The following POU6F2 variants were observed in gnomAD, a reference collection of about 807,000 sequenced individuals.
The protein encoded by POU6F2 is POU domain, class 6, transcription factor 2.
POU6F2 carries 31 observed loss-of-function variants against 71.3 expected under a neutral mutation model. The ratio of observed to expected loss-of-function variants is 0.43; its 90% confidence interval spans 0.33 to 0.59. POU6F2 has a LOEUF of 0.59. Ranked by LOEUF, POU6F2 falls within the 20% of genes least tolerant of loss-of-function variation. The probability of loss-of-function intolerance (pLI) is 0.04; values close to 1 mark genes in which losing one functional copy is unlikely to be tolerated. For missense variants in POU6F2, 783 were observed against 856.8 expected (o/e 0.91, Z 1.07); for synonymous variants, 347 against 355.7 (o/e 0.98, Z 0.27).
At chr7:39,203,815 G>C (rs913480047) in intron 2 of POU6F2, among the ~76,000 whole-genome samples, 1 of 152,150 alleles carries the variant, frequency 6.6e-6, no homozygotes, top group Non-Finnish European at 1.5e-5. Context: ...TAAGAACTTG[G>C]GAGTATGAAG....
chr7:39,189,524 G>A (rs912076330), intron 2 of POU6F2, among the ~76,000 whole-genome samples: 3 of 152,012 alleles, frequency 2.0e-5, no homozygotes, highest in South Asian at 2.1e-4. Context: ...TCAGCCTCCC[G>A]AGTAGCTGGG....
At chr7:38,979,716 C>T (rs1187566613) in intron 1 of POU6F2, among the ~76,000 whole-genome samples, 1 of 152,084 alleles carries the variant, frequency 6.6e-6, no homozygotes, top group Admixed American at 6.5e-5. Context: ...AAAACTTGAG[C>T]CCCTGATCAC....
chr7:39,130,982 A>G (rs963927462), intron 2 of POU6F2, among the ~76,000 whole-genome samples: 4 of 152,234 alleles, frequency 2.6e-5, no homozygotes, highest in Admixed American at 1.3e-4. Flanking sequence ...CCACTTTCAC[A>G]GTCCAGAAAG....
chr7:39,330,770 T>C (rs1456714568), intron 4 of POU6F2, among the ~76,000 whole-genome samples: 1 of 152,252 alleles, frequency 6.6e-6, no homozygotes, highest in African/African-American at 2.4e-5. Context: ...CATATCTATG[T>C]TGTATTCATT....
At chr7:39,430,623 G>A (rs929392432) in intron 6 of POU6F2, among the ~76,000 whole-genome samples, 2 of 152,180 alleles carry the variant, frequency 1.3e-5, no homozygotes, top group Admixed American at 6.5e-5. Flanking sequence ...GTGAGCACAG[G>A]CTGGTGTCAA....
intron 5 of POU6F2, among the ~76,000 whole-genome samples, chr7:39,386,440 A>G (rs1159644833): frequency 6.6e-6 from 1 of 152,134 alleles, no homozygotes; most frequent in Non-Finnish European, 1.5e-5. Context: ...GCTCCCTCAC[A>G]CTTGGTGCAG....
At chr7:39,088,839 A>G (rs1363366371) in intron 2 of POU6F2, among the ~76,000 whole-genome samples, 1 of 152,194 alleles carries the variant, frequency 6.6e-6, no homozygotes, top group African/African-American at 2.4e-5. Flanking sequence ...TTAGCAGTCC[A>G]GAGGACAAGT....
chr7:39,282,681 A>G (rs963206080), intron 4 of POU6F2, among the ~76,000 whole-genome samples: 2 of 152,062 alleles, frequency 1.3e-5, no homozygotes, highest in Non-Finnish European at 2.9e-5. Flanking sequence ...TTTGGTTACT[A>G]TAACCTTGTA....
At chr7:39,284,855 T>C (rs1386313491) in intron 4 of POU6F2, among the ~76,000 whole-genome samples, 1 of 152,186 alleles carries the variant, frequency 6.6e-6, no homozygotes, top group Admixed American at 6.5e-5. Context: ...TCTGACCATA[T>C]AAGATGCCCA....
chr7:39,291,481 A>G (rs1003761739), intron 4 of POU6F2, among the ~76,000 whole-genome samples: 2 of 152,194 alleles, frequency 1.3e-5, no homozygotes, highest in Admixed American at 6.5e-5. Flanking sequence ...CCACCATCCA[A>G]TTACACTGGA....
rs548114537 is a variant in POU6F2, at chr7:39,355,739, C to T, written c.972+15724C>T. 7.9e-5 allele frequency among the ~76,000 whole-genome samples: 12 copies of T among 152,292 alleles called. No homozygotes were observed. In the South Asian group the frequency reaches 1.2e-3, roughly 16 times the overall value. On this transcript the variant is annotated intron_variant, in intron 5 of 9. Coordinates refer to ENST00000518318, the MANE Select transcript of POU6F2 (RefSeq NM_001370959.1). The stretch of plus-strand genomic sequence containing the variant: ...TCAAGTTTCAACATTATACCACTGC[C>T]TATGTGGTTGAAAACACACAGCAGA...
At chr7:39,052,685 A>G (rs1443807948) in intron 1 of POU6F2, among the ~76,000 whole-genome samples, 3 of 152,162 alleles carry the variant, frequency 2.0e-5, no homozygotes, top group African/African-American at 7.2e-5. Context: ...AGTGGAGAAG[A>G]AAGGTTTGAA....
chr7:39,402,800 G>T (rs1787333524), intron 5 of POU6F2, among the ~76,000 whole-genome samples: 1 of 151,982 alleles, frequency 6.6e-6, no homozygotes, highest in Non-Finnish European at 1.5e-5. Context: ...AAATAAAATT[G>T]CTCTAAAAAT....
At chr7:39,457,221 G>A (rs1027206145) in intron 8 of POU6F2, among the ~76,000 whole-genome samples, 5 of 152,206 alleles carry the variant, frequency 3.3e-5, no homozygotes, top group Non-Finnish European at 7.3e-5. Context: ...TTGGGCTGCC[G>A]AATCCTGTGC....
At chr7:39,342,789 C>T (rs1317147161) in intron 5 of POU6F2, among the ~76,000 whole-genome samples, 1 of 152,154 alleles carries the variant, frequency 6.6e-6, no homozygotes, top group Non-Finnish European at 1.5e-5. Flanking sequence ...CCAAATACCT[C>T]GTATCAGGCT....
rs189872311 is a variant in POU6F2 at position 39,348,267 on chromosome 7, A to C, written c.972+8252A>C. Among the ~76,000 whole-genome samples, 861 of 104,428 alleles carry C rather than the reference A, an allele frequency of 8.2e-3. 91 individuals carry two copies. The highest frequency in any genetic ancestry group is 0.022 in the African/African-American group (729 of 33,720). The allele number at this position is 104,428 out of a possible 152,430, so 68.5% of individuals were successfully genotyped here. A position where few individuals can be genotyped will look rare whatever the true frequency, so the allele number is the denominator to read the frequency against. ...ACTTCTGCCAATAACTAGATCGCTA[A>C]TTAGTGACCATGGGCAAGTCACCTA... On this transcript the variant is annotated intron_variant, in intron 5 of 9. Coordinates refer to ENST00000518318, the MANE Select transcript of POU6F2 (RefSeq NM_001370959.1).
At chr7:39,432,120 C>T (rs181821119) in intron 6 of POU6F2, among the ~76,000 whole-genome samples, 1 of 152,322 alleles carries the variant, frequency 6.6e-6, no homozygotes, top group Admixed American at 6.5e-5. Flanking sequence ...TCTATGGACA[C>T]CCAGTCTGTC....
At chr7:39,022,283 C>G (rs1789695489) in intron 1 of POU6F2, among the ~76,000 whole-genome samples, 1 of 152,002 alleles carries the variant, frequency 6.6e-6, no homozygotes, top group Admixed American at 6.6e-5. Flanking sequence ...AATGCCTTCT[C>G]AAAATTCACT....
chr7:39,106,478 G>A (rs149524702), intron 2 of POU6F2, among the ~76,000 whole-genome samples: 17 of 152,222 alleles, frequency 1.1e-4, no homozygotes, highest in Non-Finnish European at 2.2e-4. Context: ...TTCATGTTTA[G>A]TTTGTTTTTA....
Sources: allele counts gnomAD v4.1 joint callset (sites outside exome capture counted in the v4.1 genomes callset), GRCh38; gene constraint gnomAD v4.1.1; transcripts MANE v1.5; gene names NCBI Gene and HGNC (gene_info 2026-07-23, HGNC 2026-07-21).